The following ARHGAP44 variants were observed in gnomAD, a reference collection of about 807,000 sequenced individuals.
The protein encoded by ARHGAP44 is rho GTPase-activating protein 44.
Under a neutral mutation model 106.8 loss-of-function variants are expected in ARHGAP44, and 43 were observed. The ratio of observed to expected loss-of-function variants is 0.40; its 90% CI spans 0.32 to 0.52. The LOEUF (loss-of-function observed/expected upper bound fraction) is 0.52, where lower values mean the gene tolerates loss of function less well. Among genes scored for constraint, ARHGAP44 ranks in the 20% least tolerant of loss-of-function variants. The pLI, the probability that ARHGAP44 is intolerant of heterozygous loss-of-function variation, is 0.48. For missense variants in ARHGAP44, 866 were observed against 1,050.5 expected (o/e 0.82, Z 2.43); for synonymous variants, 439 against 410.3 (o/e 1.07, Z -0.85).
intron 6 of ARHGAP44, among the ~76,000 whole-genome samples, chr17:12,921,159 C>T (rs1020287139): frequency 4.7e-4 from 71 of 151,574 alleles, no homozygotes; most frequent in African/African-American, 1.6e-3. Flanking sequence ...CTCCGCCTCC[C>T]AGGTTCAAGT....
At chr17:12,940,996 G>T in intron 7 of ARHGAP44, 60 bp from the exon 8 acceptor site, 1 of 1,439,872 alleles carries the variant, frequency 6.9e-7, no homozygotes, top group Non-Finnish European at 9.8e-7. Flanking sequence ...GTTGACTTAT[G>T]CATTAGCCAC....
At chr17:12,800,179 T>A (rs2034047239) in intron 1 of ARHGAP44, among the ~76,000 whole-genome samples, 1 of 152,228 alleles carries the variant, frequency 6.6e-6, no homozygotes, top group Non-Finnish European at 1.5e-5. Context: ...ATTTTGTTAT[T>A]TATATTCCTC....
intron 6 of ARHGAP44, among the ~76,000 whole-genome samples, chr17:12,925,093 C>T (rs1266517913): frequency 5.9e-5 from 9 of 152,162 alleles, no homozygotes; most frequent in African/African-American, 2.4e-5. Context: ...CCTCCCCATA[C>T]AGGTGTCTTT....
At chr17:12,938,300 A>G (rs2038606509) in intron 7 of ARHGAP44, among the ~76,000 whole-genome samples, 1 of 152,204 alleles carries the variant, frequency 6.6e-6, no homozygotes, top group South Asian at 2.1e-4. Context: ...GTAAGTAGAT[A>G]TAATTGTAGT....
Position 12,892,438 on chromosome 17 carries a change from TG to T in ARHGAP44, c.54-2498del, listed in dbSNP as rs767023475. 9.1e-4 allele frequency among the ~76,000 whole-genome samples: 133 copies of T among 145,562 alleles called. 1 individual carries two copies. Among genetic ancestry groups the T allele is most frequent in the Middle Eastern group, 6.8e-3 (2 of 292 alleles). The stretch of plus-strand genomic sequence containing the variant: ...AGGATTTCTTTATGTTTATCCTCTT[TG>T]GGGTTTGTTCAGCTTTTTAAATATG... On this transcript the variant is annotated intron_variant, in intron 1 of 20. Coordinates refer to ENST00000379672, the MANE Select transcript of ARHGAP44 (RefSeq NM_014859.6).
intron 13 of ARHGAP44, among the ~76,000 whole-genome samples, chr17:12,955,095 A>C (rs1253591706): frequency 6.6e-6 from 1 of 152,236 alleles, no homozygotes. Context: ...ATTTCATATA[A>C]GTGGAATACT....
intron 3 of ARHGAP44, among the ~76,000 whole-genome samples, chr17:12,908,289 C>A (rs550075700): frequency 6.6e-6 from 1 of 151,206 alleles, no homozygotes; most frequent in Non-Finnish European, 1.5e-5. Flanking sequence ...CTCTGCCTCC[C>A]GGGTTCAAGC....
Position 12,868,591 on chromosome 17 carries a change from T to TTTTATATATATATA in ARHGAP44, c.54-26348_54-26347insTTATATATATATAT, listed in dbSNP as rs1278978418. On this transcript the variant is annotated intron_variant, in intron 1 of 20. Coordinates refer to ENST00000379672, the MANE Select transcript of ARHGAP44 (RefSeq NM_014859.6). ...ATTTAAAAAGTCATATATATGCATT[T>TTTTATATATATATA]TATATATATATATATATATATATAT... 3.8e-4 allele frequency among the ~76,000 whole-genome samples: 18 copies of TTTTATATATATATA among 47,136 alleles called. 2 individuals are homozygous for TTTTATATATATATA. The highest frequency in any genetic ancestry group is 1.0e-3 in the African/African-American group (16 of 15,440). 30.9% of individuals were successfully genotyped at this position (47,136 alleles called of 152,430 possible). A position where few individuals can be genotyped will look rare whatever the true frequency, so the allele number is the denominator to read the frequency against.
rs11373135 is a variant in ARHGAP44, at chr17:12,849,594, T to TTTTG, written c.54-45346_54-45345insTTTG. ...TTTTTTTTTTTTTTTTTTTTTTTTTTGCTTGGCTTCAGCGTTTTCACCTTG... is the reference window on the plus strand; with the variant it reads ...TTTTTTTTTTTTTTTTTTTTTTTTTTTTTGGCTTGGCTTCAGCGTTTTCACCTTG... On this transcript the variant is annotated intron_variant, in intron 1 of 20. Coordinates refer to ENST00000379672, the MANE Select transcript of ARHGAP44 (RefSeq NM_014859.6). Among the ~76,000 whole-genome samples the TTTTG allele has an allele frequency of 4.7e-3, 534 of 112,452 alleles. 122 individuals carry two copies. The highest frequency in any genetic ancestry group is 0.023 in the African/African-American group (515 of 22,810). The allele number at this position is 112,452 out of a possible 152,430, so 73.8% of individuals were successfully genotyped here. A position where few individuals can be genotyped will look rare whatever the true frequency, so the allele number is the denominator to read the frequency against.
intron 1 of ARHGAP44, among the ~76,000 whole-genome samples, chr17:12,873,627 G>A (rs909944365): frequency 6.6e-6 from 1 of 152,212 alleles, no homozygotes; most frequent in African/African-American, 2.4e-5. Context: ...GCCAGGCTTG[G>A]TGGCTCACGC....
intron 20 of ARHGAP44, among the ~76,000 whole-genome samples, chr17:12,989,239 G>A (rs903541870): frequency 9.9e-5 from 15 of 151,822 alleles, no homozygotes; most frequent in African/African-American, 2.4e-4. Flanking sequence ...GCACAGCCTC[G>A]TCAGTGTCCC....
intron 1 of ARHGAP44, among the ~76,000 whole-genome samples, chr17:12,806,588 G>C (rs1283942688): frequency 6.6e-6 from 1 of 152,160 alleles, no homozygotes; most frequent in Non-Finnish European, 1.5e-5. Context: ...GTAAATTACT[G>C]AGTGGCCACT....
intron 16 of ARHGAP44, among the ~76,000 whole-genome samples, chr17:12,967,076 C>A (rs1178752738): frequency 6.6e-6 from 1 of 150,744 alleles, no homozygotes; most frequent in African/African-American, 2.4e-5. Flanking sequence ...CTTCCCCTGC[C>A]CCAACCCCAG....
At chr17:12,907,683 A>G (rs1032701061) in intron 3 of ARHGAP44, among the ~76,000 whole-genome samples, 25 of 152,146 alleles carry the variant, frequency 1.6e-4, no homozygotes, top group Non-Finnish European at 2.9e-5. Flanking sequence ...GTTCCATTTT[A>G]TGGATATACC....
intron 1 of ARHGAP44, among the ~76,000 whole-genome samples, chr17:12,798,492 C>T (rs1448398870): frequency 1.3e-5 from 2 of 151,986 alleles, no homozygotes; most frequent in Admixed American, 6.6e-5. Flanking sequence ...TTTTATGTTC[C>T]AGGCATCATT....
At chr17:12,801,042 T>C (rs1241242406) in intron 1 of ARHGAP44, among the ~76,000 whole-genome samples, 1 of 152,244 alleles carries the variant, frequency 6.6e-6, no homozygotes, top group Non-Finnish European at 1.5e-5. Context: ...ATTCTTTCAC[T>C]TTGTTTTTTT....
chr17:12,933,651 T>A (rs1377080890), intron 7 of ARHGAP44, among the ~76,000 whole-genome samples: 1 of 152,144 alleles, frequency 6.6e-6, no homozygotes, highest in Non-Finnish European at 1.5e-5. Context: ...GGAGAGAAAG[T>A]GAAGAAGGAC....
chr17:12,805,768 C>G (rs549730065), intron 1 of ARHGAP44, among the ~76,000 whole-genome samples: 7 of 152,286 alleles, frequency 4.6e-5, no homozygotes, highest in African/African-American at 1.4e-4. Flanking sequence ...AGGGAGTGCT[C>G]TTAGCATCAG....
chr17:12,884,893 T>G (rs2036839122), intron 1 of ARHGAP44, among the ~76,000 whole-genome samples: 1 of 152,040 alleles, frequency 6.6e-6, no homozygotes, highest in South Asian at 2.1e-4. Context: ...GCTAAGCATT[T>G]TTTGTTTGTT....
Sources: gnomAD v4.1 joint callset for allele counts (sites outside exome capture counted in the v4.1 genomes callset) on GRCh38, gnomAD v4.1.1 for gene constraint, MANE v1.5 for transcripts, NCBI Gene and HGNC (gene_info 2026-07-23, HGNC 2026-07-21) for gene names.